MARCHF11: variants seen among roughly 807,000 people sequenced by gnomAD.
MARCHF11 encodes the protein membrane associated ring-CH-type finger 11.
MARCHF11 carries 29 observed loss-of-function variants against 37.3 expected under a neutral mutation model. The ratio of observed to expected loss-of-function variants is 0.78; its 90% CI spans 0.58 to 1.06. MARCHF11 has a LOEUF of 1.06. Among genes scored for constraint, MARCHF11 ranks in the 50% least tolerant of loss-of-function variants. The probability of loss-of-function intolerance (pLI) is 0.00; values close to 1 mark genes in which losing one functional copy is unlikely to be tolerated. For missense variants in MARCHF11, 482 were observed against 533.4 expected (o/e 0.90, Z 0.95); for synonymous variants, 233 against 228.0 (o/e 1.02, Z -0.20).
chr5:16,094,631 C>T (rs897793789), intron 2 of MARCHF11, among the ~76,000 whole-genome samples: 1 of 152,028 alleles, frequency 6.6e-6, no homozygotes, highest in African/African-American at 2.4e-5. Context: ...CTACTGCTTT[C>T]TTTCTTTCCG....
rs1203898230 is a variant in MARCHF11 at position 16,179,173 on chromosome 5, C to A, written c.403G>T (p.Ala135Ser). ...GAGGERERRGAGDQPETRSVC... is the reference protein window; with the variant it reads ...GAGGERERRGSGDQPETRSVC... ...GAGCGCGTCTCGGGCTGGTCTCCGG[C>A]GCCCCGCCGCTCGCGCTCGCCGCCC... The change falls in exon 1 of 4, where the codon GCC becomes TCC. Residue 135 changes from alanine to serine, a missense_variant. Transcript: ENST00000332432. 7.3e-7 allele frequency: 1 copy of A among 1,371,508 alleles called. No homozygotes were observed. Among genetic ancestry groups the A allele is most frequent in the Admixed American group, 3.6e-5 (1 of 27,890 alleles). 85.0% of individuals were successfully genotyped at this position (1,371,508 alleles called of 1,614,324 possible).
intron 2 of MARCHF11, among the ~76,000 whole-genome samples, chr5:16,128,533 G>A (rs17649196): frequency 0.16 from 24,415 of 152,100 alleles, 2,144 homozygotes; most frequent in East Asian, 0.3. Context: ...GTTGATCAGG[G>A]TCCCACTAAA....
rs1412862329 is a variant in MARCHF11 at position 16,067,478 on chromosome 5, GA to G, written c.1201del (p.Ser401GlnfsTer8). 2.2e-5 allele frequency: 36 copies of G among 1,612,712 alleles called. No individual in the cohort carries two copies. The highest frequency in any genetic ancestry group is 3.1e-5 in the Non-Finnish European group (36 of 1,178,928). ...CATCATCTTATGCTTTTGTCACACT[GA>G]AGTCACTCTCATCACAACCTCCCCC... Reference protein sequence around the residue: ...SSGEVVMRVTSV With the variant: ...SSGEVVMRVTXV On this transcript the variant is annotated frameshift_variant, in exon 4 of 4. Coordinates refer to ENST00000332432, the MANE Select transcript of MARCHF11 (RefSeq NM_001102562.3). LOFTEE classifies it high-confidence loss of function.
intron 2 of MARCHF11, among the ~76,000 whole-genome samples, chr5:16,134,797 T>C (rs1478489768): frequency 6.6e-6 from 1 of 152,166 alleles, no homozygotes; most frequent in Non-Finnish European, 1.5e-5. Context: ...AAAATCCATA[T>C]GTAAAGAATA....
At chr5:16,125,340 A>G (rs1737384424) in intron 2 of MARCHF11, among the ~76,000 whole-genome samples, 1 of 152,134 alleles carries the variant, frequency 6.6e-6, no homozygotes, top group South Asian at 2.1e-4. Flanking sequence ...AATACATGTC[A>G]CTATCCAGAA....
intron 2 of MARCHF11, among the ~76,000 whole-genome samples, chr5:16,174,526 G>C (rs141487447): frequency 2.0e-5 from 3 of 152,218 alleles, no homozygotes; most frequent in African/African-American, 7.2e-5. Context: ...TCACTGCAGC[G>C]TGTTTTCCTC....
At chr5:16,171,817 T>G (rs1244451854) in intron 2 of MARCHF11, among the ~76,000 whole-genome samples, 1 of 152,232 alleles carries the variant, frequency 6.6e-6, no homozygotes, top group Non-Finnish European at 1.5e-5. Flanking sequence ...CAAATCTTCT[T>G]GTCATCCTGA....
Position 16,135,223 on chromosome 5 carries a change from G to A in MARCHF11, c.693+42503C>T, listed in dbSNP as rs73044662. Among the ~76,000 whole-genome samples, 479 of 152,204 alleles carry A rather than the reference G, an allele frequency of 3.1e-3. 1 individual carries two copies. The highest frequency in any genetic ancestry group is 1.0e-2 in the African/African-American group (415 of 41,520). On this transcript the variant is annotated intron_variant, in intron 2 of 3. Coordinates refer to ENST00000332432, the MANE Select transcript of MARCHF11 (RefSeq NM_001102562.3). Reference sequence around the variant, plus strand: ...TGCTGAGGTGAACAGAAATAAACAGGATGAGATTCAAAAGGGGCCCCTGCT... The same window carrying A: ...TGCTGAGGTGAACAGAAATAAACAGAATGAGATTCAAAAGGGGCCCCTGCT...
intron 3 of MARCHF11, among the ~76,000 whole-genome samples, chr5:16,089,419 G>T (rs1475679418): frequency 6.6e-6 from 1 of 152,066 alleles, no homozygotes; most frequent in African/African-American, 2.4e-5. Flanking sequence ...GCTTTCATAT[G>T]CATTATCACA....
chr5:16,100,246 C>G (rs1343391668), intron 2 of MARCHF11, among the ~76,000 whole-genome samples: 1 of 152,160 alleles, frequency 6.6e-6, no homozygotes, highest in Non-Finnish European at 1.5e-5. Context: ...AGATTCTTCC[C>G]CACCTTCCTC....
intron 2 of MARCHF11, among the ~76,000 whole-genome samples, chr5:16,142,185 G>A (rs190638746): frequency 9.9e-5 from 15 of 152,256 alleles, no homozygotes; most frequent in African/African-American, 3.1e-4. Flanking sequence ...ATCAACAAGT[G>A]GTTAAAATCG....
At chr5:16,088,214 A>C (rs1416653900) in intron 3 of MARCHF11, among the ~76,000 whole-genome samples, 1 of 152,150 alleles carries the variant, frequency 6.6e-6, no homozygotes, top group African/African-American at 2.4e-5. Context: ...CGCAGAGTTC[A>C]TCCCTCCTGG....
chr5:16,095,263 G>T (rs1467587216), intron 2 of MARCHF11, among the ~76,000 whole-genome samples: 3 of 152,126 alleles, frequency 2.0e-5, no homozygotes, highest in African/African-American at 4.8e-5. Context: ...TAATTCCCCG[G>T]GGTTCATTCC....
At chr5:16,160,443 T>C (rs994663642) in intron 2 of MARCHF11, among the ~76,000 whole-genome samples, 1 of 147,520 alleles carries the variant, frequency 6.8e-6, no homozygotes, top group Non-Finnish European at 1.5e-5. Flanking sequence ...ATATAAAATA[T>C]CTTTTATATT....
intron 2 of MARCHF11, among the ~76,000 whole-genome samples, chr5:16,166,704 T>A (rs1738174615): frequency 2.0e-5 from 3 of 152,180 alleles, no homozygotes; most frequent in Non-Finnish European, 4.4e-5. Context: ...TAGAAATGAT[T>A]ACAAATGTAT....
chr5:16,102,685 C>G (rs1736977546), intron 2 of MARCHF11, among the ~76,000 whole-genome samples: 1 of 152,178 alleles, frequency 6.6e-6, no homozygotes, highest in Non-Finnish European at 1.5e-5. Flanking sequence ...CCACATTCAC[C>G]ATATTTCAAG....
At chr5:16,166,956 G>GTACAATGATGTTCATTTACTTATGAACA (rs1560994287) in intron 2 of MARCHF11, among the ~76,000 whole-genome samples, 2 of 142,858 alleles carry the variant, frequency 1.4e-5, no homozygotes, top group African/African-American at 5.3e-5. Flanking sequence ...TGTGAGGAAC[G>GTACAATGATGTTCATTTACTTATGAACA]TACAACGATG....
intron 2 of MARCHF11, among the ~76,000 whole-genome samples, chr5:16,114,625 G>A (rs1737200778): frequency 6.6e-6 from 1 of 151,914 alleles, no homozygotes; most frequent in South Asian, 2.1e-4. Flanking sequence ...TCCACTGCCT[G>A]TGTGTAACAA....
At chr5:16,134,607 G>C (rs1355395149) in intron 2 of MARCHF11, among the ~76,000 whole-genome samples, 1 of 152,048 alleles carries the variant, frequency 6.6e-6, no homozygotes, top group Non-Finnish European at 1.5e-5. Context: ...AACAACAGAA[G>C]AAATTATCAC....
Sources: gnomAD v4.1 joint callset for allele counts (sites outside exome capture counted in the v4.1 genomes callset) on GRCh38, gnomAD v4.1.1 for gene constraint, MANE v1.5 for transcripts, NCBI Gene and HGNC (gene_info 2026-07-23, HGNC 2026-07-21) for gene names.